Variants in SULF1 observed in about 807,000 individuals in gnomAD.
The protein encoded by SULF1 is sulfatase 1.
Under a neutral mutation model 110.5 loss-of-function variants are expected in SULF1, and 46 were observed. That is an observed-to-expected ratio of 0.42 (90% CI 0.33 to 0.53). The LOEUF is 0.53. Ranked by LOEUF, SULF1 falls within the 20% of genes least tolerant of loss-of-function variation. The pLI, the probability that SULF1 is intolerant of heterozygous loss-of-function variation, is 0.12. For missense variants in SULF1, 941 were observed against 1,094.2 expected (o/e 0.86, Z 1.98); for synonymous variants, 371 against 387.1 (o/e 0.96, Z 0.49).
chr8:69,478,707 T>C (rs1470218018), intron 1 of SULF1, among the ~76,000 whole-genome samples: 1 of 152,210 alleles, frequency 6.6e-6, no homozygotes, highest in Non-Finnish European at 1.5e-5. Context: ...GTCACATAAT[T>C]TTAGCTCTTA....
intron 22 of SULF1, among the ~76,000 whole-genome samples, chr8:69,657,621 T>A (rs1443752163): frequency 6.6e-6 from 1 of 152,240 alleles, no homozygotes; most frequent in Non-Finnish European, 1.5e-5. Context: ...ACGTTTTTTA[T>A]CTACACGTGA....
chr8:69,511,939 T>G (rs7830174), intron 3 of SULF1, among the ~76,000 whole-genome samples: 79,549 of 151,974 alleles, frequency 0.52, 21,492 homozygotes, highest in South Asian at 0.65. Context: ...AATAGCATCC[T>G]GCCCTTCTAT....
At chr8:69,655,654 G>A (rs557889012) in intron 22 of SULF1, among the ~76,000 whole-genome samples, 37 of 152,174 alleles carry the variant, frequency 2.4e-4, no homozygotes, top group Non-Finnish European at 4.6e-4. Flanking sequence ...TGATTCACCC[G>A]CCTCATCCTC....
At chr8:69,603,039 C>T (rs962662614) in intron 10 of SULF1, among the ~76,000 whole-genome samples, 153 bp from the exon 11 acceptor site, 8 of 152,026 alleles carry the variant, frequency 5.3e-5, no homozygotes, top group Admixed American at 1.3e-4. Context: ...GATCACACAC[C>T]CACCCTTGCC....
At chr8:69,588,866 T>C in intron 7 of SULF1, 106 bp from the exon 8 acceptor site, 1 of 1,131,070 alleles carries the variant, frequency 8.8e-7, no homozygotes, top group Non-Finnish European at 1.3e-6. Flanking sequence ...CTGTAGACCT[T>C]GCCACTTCGT....
rs375090509 is a variant in SULF1 at position 69,624,159 on chromosome 8, C to A, written c.1812C>A (p.Asn604Lys). 1.9e-6 allele frequency: 3 copies of A among 1,608,870 alleles called. No individual in the cohort carries two copies. The highest frequency in any genetic ancestry group is 2.5e-6 in the Non-Finnish European group (3 of 1,176,712). Residue 604 changes from asparagine (N) to lysine (K), a missense_variant, in exon 15 of 23, where the codon AAC becomes AAA. Physicochemically the swap from Asn to Lys is moderately conservative, Grantham distance 94. Transcript: ENST00000402687. ...GCAGGATGCTGGCAGATAGCAGCAA[C>A]GCCGTGGGCCCACCTACCACTGTCC... is the stretch of plus-strand genomic sequence containing the variant. ...NRGRMLADSS[N>K]AVGPPTTVRV...
At position 69,495,939 on chromosome 8, in the gene SULF1, C is replaced by A. The variant is rs1441204; in HGVS notation, c.-229+13C>A. 1.9e-4 allele frequency: 29 copies of A among 152,180 alleles called. No homozygotes were observed. Among genetic ancestry groups the A allele is most frequent in the African/African-American group, 6.3e-4 (26 of 41,530 alleles). The allele number at this position is 152,180 out of a possible 1,614,324, so 9.4% of individuals were successfully genotyped here. ...TTGGAATGGAGAGGTGGGTAACATT[C>A]GCAAATTTTTTAAAGATGACAACTG... On this transcript the variant is annotated intron_variant, in intron 2 of 22. Transcript: ENST00000402687.
At chr8:69,540,197 C>A (rs1362620799) in intron 3 of SULF1, among the ~76,000 whole-genome samples, 1 of 152,182 alleles carries the variant, frequency 6.6e-6, no homozygotes, top group African/African-American at 2.4e-5. Context: ...CCACCAGATT[C>A]ATCTCTCTAT....
intron 5 of SULF1, among the ~76,000 whole-genome samples, chr8:69,569,000 G>A (rs1407080852): frequency 6.6e-6 from 1 of 152,014 alleles, no homozygotes; most frequent in Non-Finnish European, 1.5e-5. Context: ...AATGTTTGAG[G>A]GACTCCTAAC....
At chr8:69,527,656 T>C (rs1812789714) in intron 3 of SULF1, among the ~76,000 whole-genome samples, 1 of 152,146 alleles carries the variant, frequency 6.6e-6, no homozygotes, top group African/African-American at 2.4e-5. Flanking sequence ...TAAGTAAATA[T>C]AGAGGACAGA....
chr8:69,598,714 T>C (rs1363810893), intron 8 of SULF1, among the ~76,000 whole-genome samples: 2 of 152,184 alleles, frequency 1.3e-5, no homozygotes, highest in African/African-American at 4.8e-5. Flanking sequence ...TTAAGAAAAG[T>C]GCTATTAACC....
chr8:69,493,629 C>T (rs1237137507), intron 1 of SULF1, among the ~76,000 whole-genome samples: 1 of 152,222 alleles, frequency 6.6e-6, no homozygotes, highest in Non-Finnish European at 1.5e-5. Flanking sequence ...TCTTTTCACA[C>T]TACGAAATAA....
chr8:69,513,226 G>T (rs888134744), intron 3 of SULF1, among the ~76,000 whole-genome samples: 6 of 152,148 alleles, frequency 3.9e-5, no homozygotes, highest in African/African-American at 1.4e-4. Context: ...GCTTTGACTT[G>T]GGCCAGTCCC....
chr8:69,493,899 T>C (rs1810134729), intron 1 of SULF1, among the ~76,000 whole-genome samples: 1 of 152,142 alleles, frequency 6.6e-6, no homozygotes, highest in South Asian at 2.1e-4. Context: ...GAGAAACTGC[T>C]TTTCAACAAG....
At chr8:69,638,932 AC>A (rs1811257810) in intron 21 of SULF1, 74 bp downstream of exon 21, 3 of 1,404,314 alleles carry the variant, frequency 2.1e-6, no homozygotes, top group Non-Finnish European at 1.9e-6. Context: ...TGCCTTGGAA[AC>A]ATTTAATTGC....
rs764111871 is a variant in SULF1 at position 69,590,845 on chromosome 8, G to A, written c.734+1704G>A. On this transcript the variant is annotated intron_variant, in intron 8 of 22. Coordinates refer to ENST00000402687, the MANE Select transcript of SULF1 (RefSeq NM_001128205.2). ...CATGAATGAAGCCCATGTGTGACAA[G>A]TGGCTCTCCATTATAGCTCACTTAC... 1.2e-3 allele frequency among the ~76,000 whole-genome samples: 181 copies of A among 152,270 alleles called. 2 individuals are homozygous for A. The highest frequency in any genetic ancestry group is 1.0e-3 in the Non-Finnish European group (69 of 68,028).
intron 14 of SULF1, among the ~76,000 whole-genome samples, chr8:69,622,223 T>C (rs1809669542): frequency 6.6e-6 from 1 of 152,200 alleles, no homozygotes. Context: ...TTGGGAGACT[T>C]TTTTTCTTCC....
chr8:69,526,863 AAGG>A (rs906186654), intron 3 of SULF1, among the ~76,000 whole-genome samples: 2 of 145,948 alleles, frequency 1.4e-5, no homozygotes, highest in African/African-American at 5.0e-5. Flanking sequence ...GGAAGGAAAG[AAGG>A]AGGAAGGGAA....
At chr8:69,561,392 T>C (rs1023772136) in intron 3 of SULF1, among the ~76,000 whole-genome samples, 7 of 152,232 alleles carry the variant, frequency 4.6e-5, no homozygotes, top group African/African-American at 1.7e-4. Flanking sequence ...CTCTTTTCCA[T>C]ATTAGGAAAT....
Sources: gnomAD v4.1 joint callset for allele counts (sites outside exome capture counted in the v4.1 genomes callset) on GRCh38, gnomAD v4.1.1 for gene constraint, MANE v1.5 for transcripts, NCBI Gene and HGNC (gene_info 2026-07-23, HGNC 2026-07-21) for gene names.